The following TRPM3 variants were observed in gnomAD, a reference collection of about 807,000 sequenced individuals.
The protein encoded by TRPM3 is transient receptor potential cation channel subfamily M member 3.
Under a neutral mutation model 181.2 loss-of-function variants are expected in TRPM3, and 77 were observed. That is an observed-to-expected ratio of 0.42 (90% confidence interval 0.35 to 0.51). TRPM3 has a LOEUF of 0.51. Ranked by LOEUF, TRPM3 falls within the 20% of genes least tolerant of loss-of-function variation. The pLI is 0.01. For synonymous variants in TRPM3, 745 were observed against 796.4 expected, an observed-to-expected ratio of 0.94 and a Z score of 1.09; for missense variants, 1,759 against 2,196.7, an observed-to-expected ratio of 0.80 and a Z score of 3.98.
intron 6 of TRPM3, among the ~76,000 whole-genome samples, chr9:70,806,913 T>G (rs181714341): frequency 3.3e-5 from 5 of 152,122 alleles, no homozygotes; most frequent in Non-Finnish European, 5.9e-5. Flanking sequence ...AGAAGGGACT[T>G]TGAAGGGTCC....
chr9:71,037,404 AT>A lies in TRPM3; in HGVS notation c.177+83773del, dbSNP rs148353728. On this transcript the variant is annotated intron_variant, in intron 1 of 25. Coordinates refer to ENST00000677713, the MANE Select transcript of TRPM3 (RefSeq NM_001366145.2). Reference sequence around the variant, plus strand: ...ACTGGATTTAATTTTACTGGGTTACATCCAAGAGTTTCCTAAAACTCAGTAG... The same window carrying A: ...ACTGGATTTAATTTTACTGGGTTACACCAAGAGTTTCCTAAAACTCAGTAG... Among the ~76,000 whole-genome samples, 472 of 152,364 alleles carry A rather than the reference AT, an allele frequency of 3.1e-3. 3 individuals carry two copies. Among genetic ancestry groups the A allele is most frequent in the African/African-American group, 0.011 (446 of 41,588 alleles).
intron 1 of TRPM3, among the ~76,000 whole-genome samples, chr9:71,355,131 A>C (rs946984385): frequency 6.6e-6 from 1 of 152,128 alleles, no homozygotes; most frequent in Admixed American, 6.6e-5. Flanking sequence ...TTTTCCTTCC[A>C]ATCTCATGGT....
intron 1 of TRPM3, among the ~76,000 whole-genome samples, chr9:71,130,084 G>C (rs554204401): frequency 6.6e-6 from 1 of 152,250 alleles, no homozygotes; most frequent in South Asian, 2.1e-4. Context: ...GTAATTATCA[G>C]TATTATCCAA....
chr9:71,258,962 G>A (rs572736669), intron 1 of TRPM3, among the ~76,000 whole-genome samples: 2 of 152,188 alleles, frequency 1.3e-5, no homozygotes, highest in East Asian at 3.9e-4. Context: ...TGTTACATAG[G>A]CATACATGTG....
chr9:71,012,212 T>G (rs560061986), intron 1 of TRPM3, among the ~76,000 whole-genome samples: 38 of 152,332 alleles, frequency 2.5e-4, no homozygotes, highest in African/African-American at 6.7e-4. Context: ...ATAGGTATTG[T>G]GTTTTCCCAA....
chr9:70,959,870 C>T lies in TRPM3; in HGVS notation c.178-95359G>A, dbSNP rs558810998. Among the ~76,000 whole-genome samples, 298 of 152,238 alleles carry T rather than the reference C, an allele frequency of 2.0e-3. 2 individuals carry two copies. Among genetic ancestry groups the T allele is most frequent in the African/African-American group, 6.9e-3 (286 of 41,558 alleles). On this transcript the variant is annotated intron_variant, in intron 1 of 25. Transcript: ENST00000677713. ...CACACACTTTTGTGTTCTGAAAATT[C>T]CATGTTATCAAGCCTTAGCAGGCAG...
At chr9:70,615,552 C>G (rs1482434469) in intron 18 of TRPM3, among the ~76,000 whole-genome samples, 1 of 152,218 alleles carries the variant, frequency 6.6e-6, no homozygotes. Flanking sequence ...CGGCTGCTCT[C>G]AAATCATGGA....
At chr9:70,882,223 T>C (rs1364620452) in intron 1 of TRPM3, among the ~76,000 whole-genome samples, 1 of 152,200 alleles carries the variant, frequency 6.6e-6, no homozygotes, top group East Asian at 1.9e-4. Flanking sequence ...GTCCTCATTT[T>C]GTTACATGCC....
intron 1 of TRPM3, among the ~76,000 whole-genome samples, chr9:71,289,927 G>T (rs968126854): frequency 3.6e-4 from 45 of 125,364 alleles, no homozygotes; most frequent in African/African-American, 1.3e-3. Flanking sequence ...GATAAGAATT[G>T]AAATATTCCC....
chr9:70,901,202 T>C (rs926860244), intron 1 of TRPM3, among the ~76,000 whole-genome samples: 16 of 152,214 alleles, frequency 1.1e-4, no homozygotes, highest in African/African-American at 3.1e-4. Flanking sequence ...CAGTTGTTAT[T>C]GGGTGTGGCT....
At chr9:70,650,617 G>A (rs973970988) in intron 9 of TRPM3, among the ~76,000 whole-genome samples, 1 of 151,310 alleles carries the variant, frequency 6.6e-6, no homozygotes, top group Non-Finnish European at 1.5e-5. Context: ...TCCTTCTTTG[G>A]AGACCAGTTA....
At chr9:71,331,819 G>A (rs1471180968) in intron 1 of TRPM3, among the ~76,000 whole-genome samples, 1 of 114,400 alleles carries the variant, frequency 8.7e-6, no homozygotes, top group African/African-American at 3.3e-5. Flanking sequence ...CGAGGAGAGA[G>A]GAGAAGGAAG....
At chr9:70,984,626 A>G (rs1397751415) in intron 1 of TRPM3, among the ~76,000 whole-genome samples, 1 of 152,202 alleles carries the variant, frequency 6.6e-6, no homozygotes, top group Non-Finnish European at 1.5e-5. Context: ...AACAGGGGAG[A>G]AAGTGATGTA....
chr9:70,878,157 G>A (rs116365833), intron 1 of TRPM3, among the ~76,000 whole-genome samples: 1,799 of 152,074 alleles, frequency 0.012, 41 homozygotes, highest in African/African-American at 0.038. Flanking sequence ...TTATGAAAGC[G>A]GGCATGCATT....
At chr9:71,031,978 A>ATATATATATATAAT (rs1554806603) in intron 1 of TRPM3, among the ~76,000 whole-genome samples, 2 of 4,984 alleles carry the variant, frequency 4.0e-4, no homozygotes, top group Non-Finnish European at 5.3e-4. Context: ...TATATTATAT[A>ATATATATATATAAT]TATATATATT....
intron 1 of TRPM3, among the ~76,000 whole-genome samples, chr9:71,375,424 G>T (rs2092641355): frequency 6.6e-6 from 1 of 152,110 alleles, no homozygotes; most frequent in Non-Finnish European, 1.5e-5. Context: ...AAAAACCCTA[G>T]AAGAAAATCG....
At chr9:70,863,699 A>G (rs184315228) in intron 2 of TRPM3, among the ~76,000 whole-genome samples, 1 of 152,306 alleles carries the variant, frequency 6.6e-6, no homozygotes, top group African/African-American at 2.4e-5. Context: ...TATCATGAAA[A>G]TGTCCTTCAT....
intron 1 of TRPM3, among the ~76,000 whole-genome samples, chr9:71,232,491 C>CT (rs71352362): frequency 0.018 from 1,062 of 59,106 alleles, 199 homozygotes; most frequent in African/African-American, 0.027. Flanking sequence ...AATTCAGTGT[C>CT]TTTTTTTTTT....
chr9:71,084,903 A>G (rs1565160061), intron 1 of TRPM3, among the ~76,000 whole-genome samples: 1 of 152,086 alleles, frequency 6.6e-6, no homozygotes. Flanking sequence ...AGTAACCAAA[A>G]CAGCATGGTA....
Sources: allele counts gnomAD v4.1 joint callset (sites outside exome capture counted in the v4.1 genomes callset), GRCh38; gene constraint gnomAD v4.1.1; transcripts MANE v1.5; gene names NCBI Gene and HGNC (gene_info 2026-07-23, HGNC 2026-07-21).